RNF130: variants seen among roughly 807,000 people sequenced by gnomAD.
RNF130 encodes the protein ring finger protein 130, also known as E3 ubiquitin-protein ligase RNF130.
In RNF130, 21 loss-of-function variants were observed where a neutral mutation model predicts 44.6. That is an observed-to-expected ratio of 0.47 (90% CI 0.33 to 0.68). RNF130 has a LOEUF of 0.68. Ranked by LOEUF, RNF130 falls within the 30% of genes least tolerant of loss-of-function variation. The pLI is 0.02. For missense variants in RNF130, 479 were observed against 560.6 expected (o/e 0.85, Z 1.47); for synonymous variants, 214 against 210.4 (o/e 1.02, Z -0.15).
At chr5:180,024,288 T>C (rs964862655) in intron 2 of RNF130, among the ~76,000 whole-genome samples, 5 of 152,294 alleles carry the variant, frequency 3.3e-5, no homozygotes, top group African/African-American at 1.2e-4. Context: ...AATAAAGTAA[T>C]AGACTTTGGT....
intron 1 of RNF130, among the ~76,000 whole-genome samples, chr5:180,059,210 T>C (rs148350428): frequency 6.6e-6 from 1 of 152,322 alleles, no homozygotes; most frequent in East Asian, 1.9e-4. Context: ...AACATCCTCC[T>C]TTCTGCCCCC....
At chr5:179,970,557 TA>T (rs761520363) in intron 5 of RNF130, 51 bp from the exon 6 acceptor site, 1 of 1,384,086 alleles carries the variant, frequency 7.2e-7, no homozygotes, top group Non-Finnish European at 1.0e-6. Flanking sequence ...AGAAACTTAT[TA>T]GGCCAAAATG....
At chr5:179,953,928 T>A (rs971468278), downstream of RNF130, among the ~76,000 whole-genome samples, 2 of 152,138 alleles carry the variant, frequency 1.3e-5, no homozygotes, top group Non-Finnish European at 2.9e-5. Flanking sequence ...AATTTAAAAA[T>A]GGGTAAAGCA....
At chr5:180,046,592 A>G (rs1764572727) in intron 1 of RNF130, among the ~76,000 whole-genome samples, 1 of 152,200 alleles carries the variant, frequency 6.6e-6, no homozygotes, top group Non-Finnish European at 1.5e-5. Flanking sequence ...AGTGATGGTC[A>G]AAACAGGCGG....
intron 1 of RNF130, among the ~76,000 whole-genome samples, chr5:180,051,995 C>T (rs747043173): frequency 1.1e-4 from 17 of 152,218 alleles, no homozygotes; most frequent in African/African-American, 2.9e-4. Flanking sequence ...CATCACTCTT[C>T]GTTCCACAAA....
chr5:179,954,012 T>A (rs985797968), downstream of RNF130, among the ~76,000 whole-genome samples: 4 of 152,160 alleles, frequency 2.6e-5, no homozygotes, highest in Admixed American at 6.6e-5. Flanking sequence ...GCATCTTCAG[T>A]CACTAGGGTA....
intron 2 of RNF130, among the ~76,000 whole-genome samples, chr5:180,014,359 A>T (rs1763666828): frequency 6.6e-6 from 1 of 152,210 alleles, no homozygotes; most frequent in Admixed American, 6.5e-5. Flanking sequence ...TCCTTTCATA[A>T]GCTGAAGCTG....
rs753794683 is a variant in RNF130 at position 180,013,100 on chromosome 5, A to G, written c.654T>C (p.Ile218=). 2.5e-6 allele frequency: 4 copies of G among 1,613,886 alleles called. No homozygotes were observed. Among genetic ancestry groups the G allele is most frequent in the Non-Finnish European group, 3.4e-6 (4 of 1,180,018 alleles). ...ISSAWLIFYF[I]QKIRYTNARD... ...GTGCATTTGTGTACCTGATCTTCTG[A>G]ATGAAGTAGAATATGAGCCATGCTG... Residue 218 remains isoleucine, a synonymous_variant, in exon 3 of 9, where the codon ATT becomes ATC. Coordinates refer to ENST00000521389, the MANE Select transcript of RNF130 (RefSeq NM_018434.6).
intron 1 of RNF130, among the ~76,000 whole-genome samples, chr5:180,057,330 C>T (rs528381198): frequency 6.6e-6 from 1 of 152,304 alleles, no homozygotes; most frequent in African/African-American, 2.4e-5. Flanking sequence ...GGGAGGATCA[C>T]CCGAGGTCAG....
At chr5:180,009,262 A>G (rs1763530652) in intron 3 of RNF130, among the ~76,000 whole-genome samples, 1 of 152,222 alleles carries the variant, frequency 6.6e-6, no homozygotes, top group Non-Finnish European at 1.5e-5. Context: ...AAACCATAAA[A>G]ATTAGAAATT....
At chr5:179,927,598 T>C (rs1761724220) in intron 7 of RNF130, among the ~76,000 whole-genome samples, 1 of 149,356 alleles carries the variant, frequency 6.7e-6, no homozygotes, top group Admixed American at 6.7e-5. Context: ...TTTTTTTTTT[T>C]TTTTTTTTGA....
intron 7 of RNF130, chr5:179,933,984 C>A: frequency 2.7e-6 from 1 of 363,882 alleles, no homozygotes; most frequent in South Asian, 2.6e-5. Flanking sequence ...GATTATGGCA[C>A]ACTTGTTTAA....
At chr5:180,058,313 C>T (rs988792322) in intron 1 of RNF130, among the ~76,000 whole-genome samples, 2 of 152,144 alleles carry the variant, frequency 1.3e-5, no homozygotes, top group Non-Finnish European at 2.9e-5. Context: ...TATGTTACAG[C>T]TGGTAAAAAT....
chr5:179,991,459 T>C (rs1412683945), intron 3 of RNF130, among the ~76,000 whole-genome samples: 1 of 152,254 alleles, frequency 6.6e-6, no homozygotes, highest in Non-Finnish European at 1.5e-5. Flanking sequence ...TGCTGTTTTC[T>C]TCTTCCTCTG....
chr5:179,926,812 C>T (rs1241772873), intron 7 of RNF130, among the ~76,000 whole-genome samples: 1 of 152,190 alleles, frequency 6.6e-6, no homozygotes, highest in African/African-American at 2.4e-5. Flanking sequence ...GACGTGGAGA[C>T]AGTCTTGTGG....
At chr5:179,982,717 C>T (rs1204843160) in intron 3 of RNF130, among the ~76,000 whole-genome samples, 1 of 152,116 alleles carries the variant, frequency 6.6e-6, no homozygotes, top group Non-Finnish European at 1.5e-5. Flanking sequence ...ATAGCAGGAA[C>T]TACAGGGGTG....
intron 7 of RNF130, chr5:179,964,174 T>A (rs1311108699): frequency 6.6e-6 from 1 of 152,504 alleles, no homozygotes; most frequent in African/African-American, 2.4e-5. Context: ...TCCCAACCCC[T>A]GCCGAGGAGC....
chr5:179,959,015 C>T (rs189520962), intron 8 of RNF130, among the ~76,000 whole-genome samples: 1 of 152,126 alleles, frequency 6.6e-6, no homozygotes, highest in African/African-American at 2.4e-5. Flanking sequence ...GGAAATCTGC[C>T]TCCCTGTAGA....
At chr5:179,939,160 T>G (rs1761939259) in intron 7 of RNF130, among the ~76,000 whole-genome samples, 1 of 152,050 alleles carries the variant, frequency 6.6e-6, no homozygotes, top group Non-Finnish European at 1.5e-5. Context: ...GAGGTTGCAG[T>G]GAGCTGAGGT....
Sources: gnomAD v4.1 joint callset for allele counts (sites outside exome capture counted in the v4.1 genomes callset) on GRCh38, gnomAD v4.1.1 for gene constraint, MANE v1.5 for transcripts, NCBI Gene and HGNC (gene_info 2026-07-23, HGNC 2026-07-21) for gene names.